The following LGSN variants were observed in gnomAD, a reference collection of about 807,000 sequenced individuals.
LGSN encodes the protein lengsin.
LGSN carries 21 observed loss-of-function variants against 19.5 expected under a neutral mutation model. The ratio of observed to expected loss-of-function variants is 1.07; its 90% CI spans 0.76 to 1.55. The LOEUF is 1.55. Ranked by LOEUF, LGSN falls within the 40% of genes most tolerant of loss-of-function variation. The pLI is 0.00. For missense variants in LGSN, 673 were observed against 608.5 expected (o/e 1.11, Z -1.12); for synonymous variants, 257 against 215.6 (o/e 1.19, Z -1.68).
the LGSN span, among the ~76,000 whole-genome samples, chr6:63,524,741 G>A: frequency 6.6e-6 from 1 of 152,098 alleles, no homozygotes; most frequent in Non-Finnish European, 1.5e-5. Context: ...ACAAGTTCAT[G>A]TGAAAAACCT....
chr6:63,302,071 A>AAAT (rs1768202627), intron 1 of LGSN, among the ~76,000 whole-genome samples: 1 of 152,158 alleles, frequency 6.6e-6, no homozygotes, highest in African/African-American at 2.4e-5. Flanking sequence ...AAGAGACAAT[A>AAAT]AATAGGCTTA....
the LGSN span, among the ~76,000 whole-genome samples, chr6:63,487,444 T>C: frequency 6.6e-6 from 1 of 152,228 alleles, no homozygotes; most frequent in Non-Finnish European, 1.5e-5. Flanking sequence ...GTAACAAAGT[T>C]GTCAAGGCTT....
At chr6:63,324,841 C>A (rs768283462), upstream of LGSN, among the ~76,000 whole-genome samples, 2 of 151,006 alleles carry the variant, frequency 1.3e-5, no homozygotes, top group Non-Finnish European at 2.9e-5. Flanking sequence ...CACATGGTGG[C>A]TCATGCCTGT....
At chr6:63,379,710 A>G in the LGSN span, among the ~76,000 whole-genome samples, 2 of 152,174 alleles carry the variant, frequency 1.3e-5, no homozygotes, top group Non-Finnish European at 2.9e-5. Flanking sequence ...CATGCATTCA[A>G]CTTACTTAAT....
At chr6:63,390,118 CTTTTTTTT>C in the LGSN span, among the ~76,000 whole-genome samples, 33 of 66,316 alleles carry the variant, frequency 5.0e-4, no homozygotes, top group East Asian at 0.012. Flanking sequence ...TTCTTTCTTT[CTTTTTTTT>C]TTTTTTTTTT....
intron 1 of LGSN, among the ~76,000 whole-genome samples, chr6:63,314,135 A>G (rs1455299427): frequency 6.6e-6 from 1 of 152,144 alleles, no homozygotes; most frequent in East Asian, 1.9e-4. Context: ...CCCACAAACC[A>G]TACAGTAAAC....
At chr6:63,295,114 G>A in intron 1 of LGSN, 69 bp from the exon 2 acceptor site, 19 of 1,457,592 alleles carry the variant, frequency 1.3e-5, no homozygotes, top group Non-Finnish European at 1.8e-5. Flanking sequence ...GATGTCGAAA[G>A]AGTATATTTG....
chr6:63,544,789 G>A, the LGSN span, among the ~76,000 whole-genome samples: 3 of 151,986 alleles, frequency 2.0e-5, no homozygotes, highest in African/African-American at 4.8e-5. Flanking sequence ...TCCTCTCCAC[G>A]TATCCTATCA....
the LGSN span, among the ~76,000 whole-genome samples, chr6:63,507,107 A>T: frequency 6.6e-6 from 1 of 152,176 alleles, no homozygotes; most frequent in Non-Finnish European, 1.5e-5. Context: ...CAAGTGAATG[A>T]CCATTCGCAC....
the LGSN span, among the ~76,000 whole-genome samples, chr6:63,391,298 G>C: frequency 1.3e-5 from 2 of 151,490 alleles, no homozygotes; most frequent in Non-Finnish European, 2.9e-5. Context: ...TGGAAGGGAA[G>C]TAAGAACCAA....
At chr6:63,526,027 C>T in the LGSN span, among the ~76,000 whole-genome samples, 1 of 152,038 alleles carries the variant, frequency 6.6e-6, no homozygotes, top group East Asian at 1.9e-4. Context: ...TATTTTATTG[C>T]CTTAAGAAAT....
chr6:63,367,181 A>C, the LGSN span, among the ~76,000 whole-genome samples: 87 of 152,356 alleles, frequency 5.7e-4, no homozygotes, highest in African/African-American at 2.1e-3. Context: ...AAATTTTTAC[A>C]ATCTACTCAT....
chr6:63,497,094 C>G, the LGSN span, among the ~76,000 whole-genome samples: 1 of 152,058 alleles, frequency 6.6e-6, no homozygotes, highest in African/African-American at 2.4e-5. Flanking sequence ...GCCTCAGCCT[C>G]CCAAGTAGCT....
At chr6:63,311,473 T>C (rs1768625610) in intron 1 of LGSN, among the ~76,000 whole-genome samples, 1 of 152,100 alleles carries the variant, frequency 6.6e-6, no homozygotes, top group Non-Finnish European at 1.5e-5. Flanking sequence ...TCAAAAAGAG[T>C]CACCCATTTC....
chr6:63,435,455 T>G, the LGSN span, among the ~76,000 whole-genome samples: 1 of 152,338 alleles, frequency 6.6e-6, no homozygotes. Flanking sequence ...ATACTAATGG[T>G]GCTAAGTAAA....
chr6:63,302,299 A>G (rs1430514693), intron 1 of LGSN, among the ~76,000 whole-genome samples: 2 of 152,204 alleles, frequency 1.3e-5, no homozygotes, highest in African/African-American at 4.8e-5. Flanking sequence ...TGTCAATTGC[A>G]TCTTTAACCA....
At chr6:63,564,964 T>A in the LGSN span, among the ~76,000 whole-genome samples, 1 of 152,218 alleles carries the variant, frequency 6.6e-6, no homozygotes, top group Admixed American at 6.5e-5. Context: ...CCTTTCAGCA[T>A]GCAAATGAAA....
the LGSN span, among the ~76,000 whole-genome samples, chr6:63,499,456 A>T: frequency 6.6e-6 from 1 of 152,058 alleles, no homozygotes; most frequent in Non-Finnish European, 1.5e-5. Flanking sequence ...GATTCCTGAA[A>T]AGTTGTCCGG....
chr6:63,361,826 T>C, the LGSN span, among the ~76,000 whole-genome samples: 7 of 152,214 alleles, frequency 4.6e-5, no homozygotes, highest in South Asian at 2.1e-4. Flanking sequence ...TTTTTAACTT[T>C]GAACAACTGG....
Sources: allele counts gnomAD v4.1 joint callset (sites outside exome capture counted in the v4.1 genomes callset), GRCh38; gene constraint gnomAD v4.1.1; transcripts MANE v1.5; gene names NCBI Gene and HGNC (gene_info 2026-07-23, HGNC 2026-07-21).